Variants in ARB2A observed in about 807,000 individuals in gnomAD.
The protein encoded by ARB2A is cotranscriptional regulator ARB2A.
chr5:93,725,387 A>C, the ARB2A span, among the ~76,000 whole-genome samples: 1 of 152,236 alleles, frequency 6.6e-6, no homozygotes, highest in East Asian at 1.9e-4. Context: ...GAAAATCATA[A>C]GCAACAAAGT....
At chr5:93,976,302 C>T in the ARB2A span, among the ~76,000 whole-genome samples, 2 of 152,056 alleles carry the variant, frequency 1.3e-5, no homozygotes, top group African/African-American at 2.4e-5. Flanking sequence ...AAAACACACA[C>T]CCAATATCAT....
chr5:93,995,799 G>A, the ARB2A span, among the ~76,000 whole-genome samples: 1 of 152,128 alleles, frequency 6.6e-6, no homozygotes, highest in East Asian at 1.9e-4. Context: ...TAAATCTCAC[G>A]TTACGTGTTC....
At chr5:93,867,573 A>G in the ARB2A span, among the ~76,000 whole-genome samples, 1 of 152,060 alleles carries the variant, frequency 6.6e-6, no homozygotes, top group African/African-American at 2.4e-5. Flanking sequence ...GTGTGCCACC[A>G]TGCCGAGCTA....
the ARB2A span, among the ~76,000 whole-genome samples, chr5:93,978,671 T>G: frequency 6.6e-6 from 1 of 152,062 alleles, no homozygotes; most frequent in Non-Finnish European, 1.5e-5. Flanking sequence ...AACTATCAGG[T>G]ACTATGTTCA....
chr5:94,110,727 C>T, the ARB2A span, among the ~76,000 whole-genome samples: 1 of 152,118 alleles, frequency 6.6e-6, no homozygotes, highest in Non-Finnish European at 1.5e-5. Flanking sequence ...ATGTCATGTA[C>T]TACATTAAAA....
the ARB2A span, among the ~76,000 whole-genome samples, chr5:94,100,455 A>C: frequency 6.6e-6 from 1 of 152,202 alleles, no homozygotes; most frequent in Non-Finnish European, 1.5e-5. Flanking sequence ...ATTTTATGGA[A>C]CCAAAAAAGA....
chr5:93,813,327 A>AAATTG, the ARB2A span, among the ~76,000 whole-genome samples: 1 of 152,170 alleles, frequency 6.6e-6, no homozygotes, highest in Non-Finnish European at 1.5e-5. Context: ...TGTGACAATA[A>AAATTG]AATTGAATAT....
the ARB2A span, among the ~76,000 whole-genome samples, chr5:94,005,015 AAAAAAAAAAAAG>A: frequency 9.1e-5 from 11 of 121,544 alleles, no homozygotes; most frequent in Non-Finnish European, 1.5e-4. Context: ...AAAAAAAAAA[AAAAAAAAAAAAG>A]AGAGAGGACA....
At chr5:93,807,297 T>C in the ARB2A span, among the ~76,000 whole-genome samples, 3 of 152,032 alleles carry the variant, frequency 2.0e-5, no homozygotes, top group Non-Finnish European at 4.4e-5. Flanking sequence ...TCCCACAGAT[T>C]TGGTTGAAAA....
chr5:93,947,328 C>A, the ARB2A span, among the ~76,000 whole-genome samples: 1 of 152,110 alleles, frequency 6.6e-6, no homozygotes. Flanking sequence ...TCCAAATCCA[C>A]TTCTGGGTTA....
chr5:93,994,163 G>A, the ARB2A span, among the ~76,000 whole-genome samples: 1 of 151,890 alleles, frequency 6.6e-6, no homozygotes, highest in African/African-American at 2.4e-5. Context: ...CCCTTTTCTG[G>A]GTATATATCC....
chr5:93,758,595 T>C, the ARB2A span, among the ~76,000 whole-genome samples: 3 of 152,136 alleles, frequency 2.0e-5, no homozygotes, highest in Non-Finnish European at 2.9e-5. Flanking sequence ...AAAGGAACCT[T>C]CAAAACCATG....
At chr5:93,968,211 C>G in the ARB2A span, among the ~76,000 whole-genome samples, 1 of 152,126 alleles carries the variant, frequency 6.6e-6, no homozygotes, top group East Asian at 1.9e-4. Flanking sequence ...CCCCCATGAT[C>G]TGAAGAGACA....
the ARB2A span, among the ~76,000 whole-genome samples, chr5:94,006,937 T>G: frequency 1.3e-5 from 2 of 152,230 alleles, no homozygotes; most frequent in African/African-American, 4.8e-5. Flanking sequence ...TCTTTTGGTT[T>G]TGAGTGCTAG....
the ARB2A span, among the ~76,000 whole-genome samples, chr5:93,796,837 T>C: frequency 6.6e-6 from 1 of 152,166 alleles, no homozygotes; most frequent in East Asian, 1.9e-4. Flanking sequence ...TCTGCAGAAA[T>C]AAATGGTTTG....
chr5:93,953,878 CA>C, the ARB2A span, among the ~76,000 whole-genome samples: 1 of 152,222 alleles, frequency 6.6e-6, no homozygotes, highest in Non-Finnish European at 1.5e-5. Context: ...CCCCTTTCCA[CA>C]AGCAGCAGTT....
At chr5:94,036,634 A>G in the ARB2A span, among the ~76,000 whole-genome samples, 10 of 151,992 alleles carry the variant, frequency 6.6e-5, no homozygotes, top group Non-Finnish European at 1.5e-4. Context: ...ATACCCACTG[A>G]TGCATTTGTA....
chr5:94,058,022 T>C, the ARB2A span, among the ~76,000 whole-genome samples: 2 of 151,522 alleles, frequency 1.3e-5, no homozygotes, highest in Admixed American at 6.6e-5. Context: ...TCCATACACA[T>C]AGGAGAAAAA....
At chr5:93,773,906 T>A in the ARB2A span, among the ~76,000 whole-genome samples, 27 of 152,354 alleles carry the variant, frequency 1.8e-4, no homozygotes, top group African/African-American at 6.5e-4. Flanking sequence ...TAGCTGGGAC[T>A]GTAGGTGTGC....
Sources: allele counts gnomAD v4.1 joint callset (sites outside exome capture counted in the v4.1 genomes callset), GRCh38; gene constraint gnomAD v4.1.1; transcripts MANE v1.5; gene names NCBI Gene and HGNC (gene_info 2026-07-23, HGNC 2026-07-21).